RSPH14: variants seen among roughly 807,000 people sequenced by gnomAD.
The protein encoded by RSPH14 is radial spoke head 14 homolog.
A neutral mutation model predicts 26.7 loss-of-function variants in RSPH14; 20 were observed. The ratio of observed to expected loss-of-function variants is 0.75; its 90% CI spans 0.53 to 1.09. The LOEUF is 1.09. Among genes scored for constraint, RSPH14 ranks in the 50% least tolerant of loss-of-function variants. The pLI is 0.00. For synonymous variants in RSPH14, 177 were observed against 189.3 expected (o/e 0.93, Z 0.53); for missense variants, 449 against 457.2 (o/e 0.98, Z 0.16).
chr22:23,084,975 G>A (rs2068779007), intron 4 of RSPH14, among the ~76,000 whole-genome samples: 1 of 152,182 alleles, frequency 6.6e-6, no homozygotes, highest in Non-Finnish European at 1.5e-5. Context: ...TGCTCCAGGA[G>A]GCCATACCAA....
At chr22:23,143,554 G>T (rs1281410658), upstream of RSPH14, among the ~76,000 whole-genome samples, 1 of 152,048 alleles carries the variant, frequency 6.6e-6, no homozygotes, top group Non-Finnish European at 1.5e-5. Flanking sequence ...TTATCTCCTA[G>T]TGAATCCCCT....
At chr22:23,166,018 C>T in the RSPH14 span, among the ~76,000 whole-genome samples, 1 of 151,828 alleles carries the variant, frequency 6.6e-6, no homozygotes, top group African/African-American at 2.4e-5. Context: ...TGGTGGCACG[C>T]ACCTGTAGTC....
intron 1 of RSPH14, 71 bp downstream of exon 1, chr22:23,141,878 G>A (rs1005870493): frequency 6.4e-6 from 4 of 625,210 alleles, no homozygotes; most frequent in African/African-American, 6.0e-5. Flanking sequence ...ACACGGCCCC[G>A]TGTGAATGGG....
intron 4 of RSPH14, among the ~76,000 whole-genome samples, chr22:23,097,226 C>T (rs949866367): frequency 3.3e-5 from 5 of 152,234 alleles, no homozygotes; most frequent in Non-Finnish European, 7.4e-5. Flanking sequence ...TACCCTGGGG[C>T]TAGGGGAGGG....
chr22:23,111,683 G>T (rs1360281218), intron 4 of RSPH14, among the ~76,000 whole-genome samples: 2 of 152,242 alleles, frequency 1.3e-5, no homozygotes, highest in East Asian at 1.9e-4. Flanking sequence ...ACTGCAGTTT[G>T]GTGGGAGAAT....
At chr22:23,082,647 T>C (rs2068715624) in intron 4 of RSPH14, among the ~76,000 whole-genome samples, 1 of 152,104 alleles carries the variant, frequency 6.6e-6, no homozygotes. Context: ...AGGAGGCTGC[T>C]TGATGACACT....
chr22:23,180,542 G>A, the RSPH14 span: 20 of 186,042 alleles, frequency 1.1e-4, no homozygotes, highest in Admixed American at 3.8e-4. Context: ...TGCGGCGAGA[G>A]CCGGCTGGCT....
At chr22:23,152,969 A>G in the RSPH14 span, 7 of 1,176,002 alleles carry the variant, frequency 6.0e-6, no homozygotes, top group Non-Finnish European at 7.6e-6. Flanking sequence ...GCAGTGTTAC[A>G]AGTGAAGCTT....
intron 4 of RSPH14, among the ~76,000 whole-genome samples, chr22:23,117,339 C>A: frequency 6.6e-6 from 1 of 152,238 alleles, no homozygotes; most frequent in East Asian, 1.9e-4. Flanking sequence ...TTCATCACAT[C>A]GGCCATTGCA....
chr22:23,068,183 T>G (rs2068253604), intron 4 of RSPH14, among the ~76,000 whole-genome samples: 1 of 152,184 alleles, frequency 6.6e-6, no homozygotes, highest in African/African-American at 2.4e-5. Flanking sequence ...TCCTGCACCG[T>G]CCCCGCCTTG....
chr22:23,095,995 C>T (rs142054245), intron 4 of RSPH14: 15 of 1,609,098 alleles, frequency 9.3e-6, no homozygotes, highest in South Asian at 5.5e-5. Context: ...ACCCCGACCG[C>T]GCCTACGACG....
In RSPH14 at chr22:23,135,317, C is replaced by CAAA. The variant is rs55649510; in HGVS notation, c.303-1176_303-1174dup. Among the ~76,000 whole-genome samples, 121 of 85,878 alleles carry CAAA rather than the reference C, an allele frequency of 1.4e-3. 1 individual carries two copies. Among genetic ancestry groups the CAAA allele is most frequent in the African/African-American group, 3.4e-3 (74 of 21,928 alleles). 56.3% of individuals were successfully genotyped at this position (85,878 alleles called of 152,430 possible). ...TGAAACCCCGCCTGTACTAAAAATA[C>CAAA]AAAAAAAAAAAAAAAAAAAAAAAAA... On this transcript the variant is annotated intron_variant, in intron 3 of 6. Transcript: ENST00000216036.
At chr22:23,077,534 C>G (rs370467425) in intron 4 of RSPH14, among the ~76,000 whole-genome samples, 21 of 152,246 alleles carry the variant, frequency 1.4e-4, no homozygotes, top group African/African-American at 4.8e-4. Context: ...AATTGGGAGG[C>G]TGGATGGCCA....
chr22:23,161,712 G>A, the RSPH14 span: 1 of 683,768 alleles, frequency 1.5e-6, no homozygotes, highest in East Asian at 2.8e-5. Flanking sequence ...CACCCACCGG[G>A]CTCAGCTCCA....
Position 23,111,364 on chromosome 22 carries a change from G to T in RSPH14, c.421+22662C>A, listed in dbSNP as rs114361700. ...CCCAGGCCAGGGGAGAGAGGCAAGC[G>T]CACTGGACTCGGTTCCGCCTAGTGG... On this transcript the variant is annotated intron_variant, in intron 4 of 6. Coordinates refer to ENST00000216036, the MANE Select transcript of RSPH14 (RefSeq NM_014433.3). Among the ~76,000 whole-genome samples, 1,286 of 152,342 alleles carry T rather than the reference G, an allele frequency of 8.4e-3. 17 individuals carry two copies. The highest frequency in any genetic ancestry group is 0.029 in the African/African-American group (1,224 of 41,566).
chr22:23,147,456 G>C (rs1782129681), upstream of RSPH14, among the ~76,000 whole-genome samples: 1 of 151,944 alleles, frequency 6.6e-6, no homozygotes, highest in Admixed American at 6.6e-5. Flanking sequence ...CAGCCTCCCG[G>C]AGTAGCTAGG....
At chr22:23,093,940 G>C (rs567691636) in intron 4 of RSPH14, among the ~76,000 whole-genome samples, 1 of 152,304 alleles carries the variant, frequency 6.6e-6, no homozygotes, top group East Asian at 1.9e-4. Context: ...GCCAGGACTA[G>C]TGGTCAAGGT....
At chr22:23,164,603 C>T in the RSPH14 span, among the ~76,000 whole-genome samples, 1 of 152,182 alleles carries the variant, frequency 6.6e-6, no homozygotes, top group Admixed American at 6.5e-5. Context: ...GTTTCCTGGG[C>T]AGAGGCACTT....
the RSPH14 span, among the ~76,000 whole-genome samples, chr22:23,176,064 A>C: frequency 0.27 from 41,631 of 151,888 alleles, 5,820 homozygotes; most frequent in East Asian, 0.35. Flanking sequence ...ACATCGATTC[A>C]CTGGCAACAC....
Sources: allele counts gnomAD v4.1 joint callset (sites outside exome capture counted in the v4.1 genomes callset), GRCh38; gene constraint gnomAD v4.1.1; transcripts MANE v1.5; gene names NCBI Gene and HGNC (gene_info 2026-07-23, HGNC 2026-07-21).